Variants in SLC22A2 observed in about 807,000 individuals in gnomAD.
The protein encoded by SLC22A2 is organic cation transporter 2.
In SLC22A2, 46 loss-of-function variants were observed where a neutral mutation model predicts 60.5. The observed-to-expected ratio is 0.76, with a 90% confidence interval of 0.60 to 0.97. SLC22A2 has a LOEUF of 0.97. Ranked by LOEUF, SLC22A2 falls within the 50% of genes least tolerant of loss-of-function variation. The pLI is 0.00. For synonymous variants in SLC22A2, 303 were observed against 267.0 expected (o/e 1.13, Z -1.31); for missense variants, 701 against 706.6 (o/e 0.99, Z 0.09).
At position 160,250,634 on chromosome 6, in the gene SLC22A2, AT is replaced by A; in HGVS notation, c.586del (p.Ile196PhefsTer9). 6.2e-7 allele frequency: 1 copy of A among 1,614,126 alleles called. No homozygotes were observed. The highest frequency in any genetic ancestry group is 1.1e-5 in the South Asian group (1 of 91,086). ...TAACATCCACGTATAGGTTGGGGAA[AT>A]GGCCATGAGAACTCCAGCTGCAGCA... ...INAAAGVLMAISPTYTWMLIF... is the reference protein window; with the variant it reads ...INAAAGVLMAXSPTYTWMLIF... On this transcript the variant is annotated frameshift_variant, in exon 3 of 11. Coordinates refer to ENST00000366953, the MANE Select transcript of SLC22A2 (RefSeq NM_003058.4). LOFTEE classifies it high-confidence loss of function.
Position 160,251,981 on chromosome 6 carries a change from A to G in SLC22A2, c.519-1279T>C, listed in dbSNP as rs374965484. ...TGTAATTTCATTTTTAAAAATTTTT[A>G]TTTTTAGTTCTGGGGTACATGTGCA... On this transcript the variant is annotated intron_variant, in intron 2 of 10. Coordinates refer to ENST00000366953, the MANE Select transcript of SLC22A2 (RefSeq NM_003058.4). Among the ~76,000 whole-genome samples, 7 of 152,204 alleles carry G rather than the reference A, an allele frequency of 4.6e-5. No homozygotes were observed. The East Asian group carries it at 1.2e-3, about 25-fold the overall frequency.
intron 1 of SLC22A2, among the ~76,000 whole-genome samples, chr6:160,257,047 T>C (rs1583402964): frequency 6.6e-6 from 1 of 152,168 alleles, no homozygotes. Flanking sequence ...ATTATAGGCG[T>C]GAGCCACTGT....
intron 4 of SLC22A2, 23 bp from the exon 5 acceptor site, chr6:160,247,321 GGCAACTCTTAC>G (rs1372867245): frequency 7.8e-7 from 1 of 1,280,762 alleles, no homozygotes; most frequent in East Asian, 2.3e-5. Context: ...GTGAGCGGAG[GGCAACTCTTAC>G]TGAATCCTCC....
Position 160,258,487 on chromosome 6 carries a change from G to T in SLC22A2, c.271C>A (p.Arg91Ser), listed in dbSNP as rs755217303. 6.2e-7 allele frequency: 1 copy of T among 1,614,136 alleles called. No individual in the cohort carries two copies. Among genetic ancestry groups the T allele is most frequent in the South Asian group, 1.1e-5 (1 of 91,088 alleles). The stretch of plus-strand genomic sequence containing the variant: ...CTCTGGTTCCAGTCCACCTCGTAGC[G>T]CCTACACTGTCTTGGGGAGGCTTCG... The part of the protein sequence containing the change: ...AGEASPRQCR[R>S]YEVDWNQSTF... The change falls in exon 1 of 11, where the codon CGC becomes AGC. Residue 91 changes from arginine to serine, a missense_variant. By Grantham distance (110) the Arg-to-Ser change is moderately radical. Coordinates refer to ENST00000366953, the MANE Select transcript of SLC22A2 (RefSeq NM_003058.4).
intron 10 of SLC22A2, among the ~76,000 whole-genome samples, chr6:160,222,394 C>T (rs7752088): frequency 1.4e-3 from 206 of 152,326 alleles, no homozygotes; most frequent in African/African-American, 4.7e-3. Context: ...GGCTCAGGCT[C>T]TACAGGACTT....
intron 9 of SLC22A2, among the ~76,000 whole-genome samples, chr6:160,234,444 T>G (rs1197455639): frequency 6.6e-6 from 1 of 152,138 alleles, no homozygotes; most frequent in Non-Finnish European, 1.5e-5. Context: ...TTCTCTGGCC[T>G]CCCTGAGCAC....
chr6:160,236,402 G>C (rs1225014749), intron 9 of SLC22A2, among the ~76,000 whole-genome samples: 3 of 152,114 alleles, frequency 2.0e-5, no homozygotes, highest in Non-Finnish European at 1.5e-5. Flanking sequence ...TGAGCTATTA[G>C]TATTTACAGC....
chr6:160,237,096 C>T lies in SLC22A2; in HGVS notation c.1501+4378G>A, dbSNP rs569050214. Among the ~76,000 whole-genome samples, 17 of 152,280 alleles carry T rather than the reference C, an allele frequency of 1.1e-4. No homozygotes were observed. In the South Asian group the frequency reaches 3.1e-3, roughly 28 times the overall value. On this transcript the variant is annotated intron_variant, in intron 9 of 10. Transcript: ENST00000366953. ...GGTATACCTGTTATTATATTCTAGT[C>T]TCATCAGTTGTTTTAAGCTTTTCTT...
Position 160,217,285 on chromosome 6 carries a change from A to G in SLC22A2, c.*147T>C. 1 of 557,198 alleles carries G rather than the reference A, an allele frequency of 1.8e-6. No individual in the cohort carries two copies. Among genetic ancestry groups the G allele is most frequent in the Non-Finnish European group, 3.2e-6 (1 of 315,732 alleles). 34.5% of individuals were successfully genotyped at this position (557,198 alleles called of 1,614,324 possible). A position where few individuals can be genotyped will look rare whatever the true frequency, so the allele number is the denominator to read the frequency against. ...TGGGTATTTTTCCACAGTGTACAAT[A>G]GACTCCACTGGCTGTAGACCTAGGT... On this transcript the variant is annotated 3_prime_UTR_variant, in exon 11 of 11. Transcript: ENST00000366953.
At position 160,217,415 on chromosome 6, in the gene SLC22A2, A is replaced by G; in HGVS notation, c.*17T>C. 6.4e-7 allele frequency: 1 copy of G among 1,551,836 alleles called. No homozygotes were observed. The highest frequency in any genetic ancestry group is 8.9e-7 in the Non-Finnish European group (1 of 1,125,448). ...GCCATCAAAGCTAGGTCATGACAGC[A>G]GCAACGGTCTCTCTTCTTAGTTCAA... On this transcript the variant is annotated 3_prime_UTR_variant, in exon 11 of 11. Coordinates refer to ENST00000366953, the MANE Select transcript of SLC22A2 (RefSeq NM_003058.4).
intron 8 of SLC22A2, 96 bp downstream of exon 8, chr6:160,242,198 T>G (rs17588242): frequency 3.8e-6 from 3 of 789,520 alleles, no homozygotes; most frequent in Non-Finnish European, 6.9e-6. Flanking sequence ...ACACTGTGTT[T>G]TGAAGGTAAG....
intron 9 of SLC22A2, among the ~76,000 whole-genome samples, chr6:160,228,226 C>A (rs1054193672): frequency 6.6e-6 from 1 of 152,084 alleles, no homozygotes; most frequent in East Asian, 1.9e-4. Flanking sequence ...TCTGGTGAAC[C>A]CTGAAGGGAG....
At chr6:160,241,255 C>T (rs757961216) in intron 9 of SLC22A2, among the ~76,000 whole-genome samples, 1 of 151,992 alleles carries the variant, frequency 6.6e-6, no homozygotes, top group Non-Finnish European at 1.5e-5. Flanking sequence ...ATTATGAATA[C>T]TGAACTAGTA....
chr6:160,233,526 AC>A (rs1026246636), intron 9 of SLC22A2, among the ~76,000 whole-genome samples: 2 of 151,892 alleles, frequency 1.3e-5, no homozygotes, highest in Admixed American at 1.3e-4. Context: ...CCAAAAACTC[AC>A]CAACCAAACA....
intron 5 of SLC22A2, 91 bp from the exon 6 acceptor site, chr6:160,245,636 G>A (rs1055145246): frequency 7.9e-6 from 5 of 635,566 alleles, no homozygotes; most frequent in African/African-American, 1.9e-5. Context: ...TTACCGTCCT[G>A]AGCGCCCATC....
At chr6:160,220,704 CA>C (rs2114848126) in intron 10 of SLC22A2, among the ~76,000 whole-genome samples, 1 of 152,276 alleles carries the variant, frequency 6.6e-6, no homozygotes, top group African/African-American at 2.4e-5. Context: ...GGCATTAAAA[CA>C]ACATTAATCT....
chr6:160,221,550 A>C (rs938073020), intron 10 of SLC22A2, among the ~76,000 whole-genome samples: 1 of 152,230 alleles, frequency 6.6e-6, no homozygotes, highest in Non-Finnish European at 1.5e-5. Context: ...GGCTTTCAAC[A>C]TGACTTCCTC....
At chr6:160,244,935 T>A (rs1482364426) in intron 6 of SLC22A2, 1 of 152,228 alleles carries the variant, frequency 6.6e-6, no homozygotes, top group Non-Finnish European at 1.5e-5. Flanking sequence ...TTCAGAAATT[T>A]ATTTTTTCTC....
intron 4 of SLC22A2, among the ~76,000 whole-genome samples, chr6:160,248,035 T>C (rs190974395): frequency 3.3e-5 from 5 of 152,280 alleles, no homozygotes; most frequent in Non-Finnish European, 7.4e-5. Flanking sequence ...TGGATGTTTT[T>C]GTGGAAGTGT....
Sources: gnomAD v4.1 joint callset for allele counts (sites outside exome capture counted in the v4.1 genomes callset) on GRCh38, gnomAD v4.1.1 for gene constraint, MANE v1.5 for transcripts, NCBI Gene and HGNC (gene_info 2026-07-23, HGNC 2026-07-21) for gene names.